MRPL39: variants seen among roughly 807,000 people sequenced by gnomAD.
The protein encoded by MRPL39 is large ribosomal subunit protein mL39.
A neutral mutation model predicts 44.5 loss-of-function variants in MRPL39; 35 were observed. The observed-to-expected ratio is 0.79, with a 90% CI of 0.60 to 1.04. The LOEUF (loss-of-function observed/expected upper bound fraction) is 1.04. Ranked by LOEUF, MRPL39 falls within the 50% of genes least tolerant of loss-of-function variation. The pLI is 0.00. For missense variants in MRPL39, 433 were observed against 413.5 expected (o/e 1.05, Z -0.41); for synonymous variants, 139 against 136.1 (o/e 1.02, Z -0.15).
rs2031087061 is a variant in MRPL39 at position 25,588,886 on chromosome 21, G to A, written c.922-4C>T. The A allele has an allele frequency of 1.2e-6, 2 of 1,611,124 alleles. No individual in the cohort carries two copies. Among genetic ancestry groups the A allele is most frequent in the South Asian group, 1.1e-5 (1 of 90,776 alleles). ...TATCCCATATTGTAAAATGTGCCTT[G>A]AAAAGAAAAGATTTGCGATGAACTA... On this transcript the variant is annotated splice_polypyrimidine_tract_variant and splice_region_variant and intron_variant, in intron 8 of 9. Transcript: ENST00000352957.
chr21:25,592,342 A>G (rs2031204325), intron 8 of MRPL39, among the ~76,000 whole-genome samples: 1 of 152,202 alleles, frequency 6.6e-6, no homozygotes, highest in African/African-American at 2.4e-5. Context: ...AACCAAGTAA[A>G]GGTACATGGG....
intron 7 of MRPL39, among the ~76,000 whole-genome samples, chr21:25,593,234 A>G (rs1449020727): frequency 1.3e-5 from 2 of 152,236 alleles, no homozygotes; most frequent in Admixed American, 1.3e-4. Context: ...CATGCTATCA[A>G]GCTGATCCAA....
At position 25,601,392 on chromosome 21, in the gene MRPL39, A is replaced by T. The variant is rs1454376717; in HGVS notation, c.496T>A (p.Leu166Met). The T allele has an allele frequency of 6.2e-6, 10 of 1,610,822 alleles. No homozygotes were observed. Among genetic ancestry groups the T allele is most frequent in the Non-Finnish European group, 8.5e-6 (10 of 1,178,148 alleles). Residue 166 changes from leucine to methionine, a missense_variant, in exon 4 of 10, where the codon TTG becomes ATG. By Grantham distance (15) the Leu-to-Met change is conservative. Coordinates refer to ENST00000352957, the MANE Select transcript of MRPL39 (RefSeq NM_017446.4). Reference protein sequence around the residue: ...RAFKDEYMVNLVRAPEVPVIS... With the variant: ...RAFKDEYMVNMVRAPEVPVIS... ...CCAGGAACTTCTGGAGCTCTGACCAAATTGACCATATATTCATCTTTGAAT... is the reference window on the plus strand; with the variant it reads ...CCAGGAACTTCTGGAGCTCTGACCATATTGACCATATATTCATCTTTGAAT...
intron 4 of MRPL39, among the ~76,000 whole-genome samples, chr21:25,600,613 C>T (rs1480076217): frequency 4.0e-5 from 6 of 151,020 alleles, no homozygotes; most frequent in African/African-American, 1.2e-4. Flanking sequence ...TCCTACCATA[C>T]TTACTATTCC....
chr21:25,592,792 G>C lies in MRPL39; in HGVS notation c.921+20C>G, dbSNP rs754251706. The C allele has an allele frequency of 6.4e-7, 1 of 1,554,640 alleles. No homozygotes were observed. Among genetic ancestry groups the C allele is most frequent in the South Asian group, 1.2e-5 (1 of 82,978 alleles). On this transcript the variant is annotated intron_variant, in intron 8 of 9. Coordinates refer to ENST00000352957, the MANE Select transcript of MRPL39 (RefSeq NM_017446.4). ...ATCTATACCCAAATTGGAAGACCTA[G>C]AACTTTAAGCTTTACTTACTCTTAA...
Position 25,601,230 on chromosome 21 carries a change from G to A in MRPL39, c.520+138C>T, listed in dbSNP as rs1352349896. On this transcript the variant is annotated intron_variant, in intron 4 of 9. Coordinates refer to ENST00000352957, the MANE Select transcript of MRPL39 (RefSeq NM_017446.4). The stretch of plus-strand genomic sequence containing the variant: ...AAAGACTACTTCATGTTTCATCATA[G>A]TAAGAAAGATTTTGTTACCCATGAT... The A allele has an allele frequency of 2.2e-5, 9 of 418,188 alleles. No homozygotes were observed. The East Asian group carries it at 3.6e-4, about 17-fold the overall frequency. 25.9% of individuals were successfully genotyped at this position (418,188 alleles called of 1,614,324 possible).
At chr21:25,607,555 A>C, upstream of MRPL39, 2 of 1,451,806 alleles carry the variant, frequency 1.4e-6, no homozygotes, top group Non-Finnish European at 1.9e-6. Context: ...GGAGTTCCGC[A>C]GGACAGGTCT....
chr21:25,599,553 G>GACA (rs2031459533), intron 5 of MRPL39, among the ~76,000 whole-genome samples: 2 of 152,068 alleles, frequency 1.3e-5, no homozygotes, highest in East Asian at 3.8e-4. Context: ...AAAGTTTCAA[G>GACA]ACAACTGACC....
intron 2 of MRPL39, among the ~76,000 whole-genome samples, chr21:25,605,267 C>G (rs984005798): frequency 1.3e-5 from 2 of 152,176 alleles, no homozygotes; most frequent in Non-Finnish European, 2.9e-5. Flanking sequence ...AACGTACTAT[C>G]AAAACATTTT....
intron 9 of MRPL39, among the ~76,000 whole-genome samples, chr21:25,588,394 A>G (rs2031071427): frequency 6.6e-6 from 1 of 152,150 alleles, no homozygotes. Flanking sequence ...CAAAAACACA[A>G]ACATTCAAAT....
chr21:25,602,408 T>C (rs1275990506), intron 3 of MRPL39, among the ~76,000 whole-genome samples: 1 of 152,230 alleles, frequency 6.6e-6, no homozygotes, highest in East Asian at 1.9e-4. Context: ...CTCACAGAGT[T>C]TGTATGAAGG....
rs1226671924 is a variant in MRPL39 at position 25,587,804 on chromosome 21, T to TATCA, written c.969+1027_969+1030dup. 6.3e-6 allele frequency: 10 copies of TATCA among 1,580,794 alleles called. No homozygotes were observed. The East Asian group carries it at 2.2e-4, about 35-fold the overall frequency. On this transcript the variant is annotated intron_variant, in intron 9 of 9. Coordinates refer to ENST00000352957, the MANE Select transcript of MRPL39 (RefSeq NM_017446.4). ...GGAAATGGAGTCTAGAAAGAAAAAC[T>TATCA]ATCATGAAGAAATAAGCAAACTTGA... is the stretch of plus-strand genomic sequence containing the variant.
At chr21:25,599,979 T>C in intron 4 of MRPL39, 113 bp from the exon 5 acceptor site, 1 of 737,784 alleles carries the variant, frequency 1.4e-6, no homozygotes, top group Admixed American at 2.5e-5. Flanking sequence ...CTCTCCCAAC[T>C]CTACAAATTA....
chr21:25,606,509 C>G lies in MRPL39; in HGVS notation c.220G>C (p.Asp74His). 1 of 1,614,004 alleles carries G rather than the reference C, an allele frequency of 6.2e-7. No homozygotes were observed. The highest frequency in any genetic ancestry group is 1.1e-5 in the South Asian group (1 of 91,026). Residue 74 changes from aspartate (D) to histidine (H), a missense_variant, in exon 2 of 10, where the codon GAC becomes CAC. By Grantham distance (81) the Asp-to-His change is moderately conservative (BLOSUM62 -1). Coordinates refer to ENST00000352957, the MANE Select transcript of MRPL39 (RefSeq NM_017446.4). Reference protein sequence around the residue: ...KIEVKHVGKTDPGTVFVMNKN... With the variant: ...KIEVKHVGKTHPGTVFVMNKN... Reference sequence around the variant, plus strand: ...TTCATCACGAAGACAGTACCGGGGTCAGTTTTCCCAACATGCTTAACTTCT... The same window carrying G: ...TTCATCACGAAGACAGTACCGGGGTGAGTTTTCCCAACATGCTTAACTTCT...
Position 25,603,855 on chromosome 21 carries a change from T to C in MRPL39, c.361A>G (p.Lys121Glu), listed in dbSNP as rs1350035607. The C allele has an allele frequency of 1.9e-6, 3 of 1,612,778 alleles. No homozygotes were observed. Among genetic ancestry groups the C allele is most frequent in the African/African-American group, 1.3e-5 (1 of 74,826 alleles). Residue 121 changes from lysine to glutamate, a missense_variant, in exon 3 of 10, where the codon AAG becomes GAG. Transcript: ENST00000352957. The part of the protein sequence containing the change: ...QPWDMYKPLT[K>E]SCEIKFLTFK... The stretch of plus-strand genomic sequence containing the variant: ...GTAAGAAATTTAATTTCACAGGACT[T>C]TGTTAAAGGCTTATACATGTCCCAA...
chr21:25,588,715 G>A, intron 9 of MRPL39, 120 bp downstream of exon 9: 1 of 915,304 alleles, frequency 1.1e-6, no homozygotes, highest in Non-Finnish European at 1.7e-6. Context: ...TGACTATTGA[G>A]ACAACTTACT....
At chr21:25,592,136 G>A (rs1238634879) in intron 8 of MRPL39, among the ~76,000 whole-genome samples, 1 of 152,198 alleles carries the variant, frequency 6.6e-6, no homozygotes, top group Admixed American at 6.5e-5. Context: ...AAGGAAAACA[G>A]ATAAGTAGTT....
intron 1 of MRPL39, among the ~76,000 whole-genome samples, chr21:25,607,201 C>T (rs1753212945): frequency 6.6e-6 from 1 of 152,196 alleles, no homozygotes; most frequent in African/African-American, 2.4e-5. Flanking sequence ...CCGACCCCTG[C>T]CCTTGCCCCT....
intron 8 of MRPL39, among the ~76,000 whole-genome samples, chr21:25,590,660 G>C (rs2031146000): frequency 1.3e-5 from 2 of 152,132 alleles, no homozygotes; most frequent in Admixed American, 1.3e-4. Context: ...GATACAGTAA[G>C]TTCATAGACT....
Sources: gnomAD v4.1 joint callset for allele counts (sites outside exome capture counted in the v4.1 genomes callset) on GRCh38, gnomAD v4.1.1 for gene constraint, MANE v1.5 for transcripts, NCBI Gene and HGNC (gene_info 2026-07-23, HGNC 2026-07-21) for gene names.